Variants in HPCAL1 observed in about 807,000 individuals in gnomAD.
HPCAL1 encodes the protein hippocalcin like 1, also known as hippocalcin-like protein 1.
In HPCAL1, 8 loss-of-function variants were observed where a neutral mutation model predicts 17.1. The ratio of observed to expected loss-of-function variants is 0.47; its 90% CI spans 0.27 to 0.84. The LOEUF is 0.84. Among genes scored for constraint, HPCAL1 ranks in the 40% least tolerant of loss-of-function variants. HPCAL1 has a pLI of 0.13. For synonymous variants in HPCAL1, 112 were observed against 111.4 expected, an observed-to-expected ratio of 1.01 and a Z score of -0.03; for missense variants, 165 against 271.1, an observed-to-expected ratio of 0.61 and a Z score of 2.75.
Position 10,419,723 on chromosome 2 carries a change from C to A in HPCAL1, c.-24-11C>A. On this transcript the variant is annotated splice_polypyrimidine_tract_variant and intron_variant, in intron 2 of 4. Transcript: ENST00000307845. The surrounding 1 kb of genome is among the most constrained non-coding windows in gnomAD (Gnocchi z 5.0). The stretch of plus-strand genomic sequence containing the variant: ...GTGGGTGGCGTCCCCGGCTGACCCC[C>A]TGTCTTGCAGGTGTAGTCGCCGCCG... The A allele has an allele frequency of 6.3e-7, 1 of 1,584,932 alleles. No individual in the cohort carries two copies. Among genetic ancestry groups the A allele is most frequent in the African/African-American group, 1.3e-5 (1 of 74,628 alleles).
In HPCAL1 at chr2:10,394,621, G is replaced by A. The variant is rs1005943410; in HGVS notation, c.-110-2214G>A. On this transcript the variant is annotated intron_variant, in intron 1 of 4. Coordinates refer to ENST00000307845, the MANE Select transcript of HPCAL1 (RefSeq NM_002149.4). This position sits in a 1 kb window ranked among gnomAD's most constrained non-coding sequence, Gnocchi z 5.0. ...GCCCACGCCAAGAGGGAACCCTAACGTGAGCTGCGGACCTGGGGGGTGATG... is the reference window on the plus strand; with the variant it reads ...GCCCACGCCAAGAGGGAACCCTAACATGAGCTGCGGACCTGGGGGGTGATG... Among the ~76,000 whole-genome samples, 3 of 152,144 alleles carry A rather than the reference G, an allele frequency of 2.0e-5. No homozygotes were observed. Among genetic ancestry groups the A allele is most frequent in the East Asian group, 1.9e-4 (1 of 5,174 alleles).
At position 10,426,933 on chromosome 2, in the gene HPCAL1, TGGG is replaced by T. The variant is rs1572882015; in HGVS notation, c.*114_*116del. Reference sequence around the variant, plus strand: ...TTCCTGCTCTCCCGGGCCCCGGGCCTGGGGCATGCGTTGCACCTGCCCAGCCCG... The same window carrying T: ...TTCCTGCTCTCCCGGGCCCCGGGCCTGCATGCGTTGCACCTGCCCAGCCCG... On this transcript the variant is annotated 3_prime_UTR_variant, in exon 5 of 5. Coordinates refer to ENST00000307845, the MANE Select transcript of HPCAL1 (RefSeq NM_002149.4). 3 of 1,012,516 alleles carry T rather than the reference TGGG, an allele frequency of 3.0e-6. No individual in the cohort carries two copies. The East Asian group carries it at 7.6e-5, about 26-fold the overall frequency. 62.7% of individuals were successfully genotyped at this position (1,012,516 alleles called of 1,614,324 possible). A position where few individuals can be genotyped will look rare whatever the true frequency, so the allele number is the denominator to read the frequency against.
chr2:10,424,639 G>A lies in HPCAL1; in HGVS notation c.484+1551G>A, dbSNP rs184216935. 2,171 of 470,930 alleles carry A rather than the reference G, an allele frequency of 4.6e-3. 8 individuals are homozygous for A. Among genetic ancestry groups the A allele is most frequent in the Non-Finnish European group, 6.6e-3 (1,487 of 226,998 alleles). The allele number at this position is 470,930 out of a possible 1,614,324, so 29.2% of individuals were successfully genotyped here. A position where few individuals can be genotyped will look rare whatever the true frequency, so the allele number is the denominator to read the frequency against. On this transcript the variant is annotated intron_variant, in intron 4 of 4. Transcript: ENST00000307845. Reference sequence around the variant, plus strand: ...GTTGGTTGGGAATTTGGATGGCATGGTCGTTGCTAATGTGCCTGCTGGGAT... The same window carrying A: ...GTTGGTTGGGAATTTGGATGGCATGATCGTTGCTAATGTGCCTGCTGGGAT...
intron 1 of HPCAL1, among the ~76,000 whole-genome samples, chr2:10,361,099 C>A (rs116062306): frequency 0.012 from 1,686 of 145,308 alleles, 39 homozygotes; most frequent in African/African-American, 0.04. Flanking sequence ...ATGAGACAGG[C>A]GAGACTGCCC....
chr2:10,397,856 A>T (rs1397909671), intron 2 of HPCAL1, among the ~76,000 whole-genome samples: 1 of 152,200 alleles, frequency 6.6e-6, no homozygotes, highest in African/African-American at 2.4e-5. Flanking sequence ...GGAACCAGGT[A>T]TGCGATGCTG....
intron 2 of HPCAL1, among the ~76,000 whole-genome samples, chr2:10,403,153 C>G (rs574593503): frequency 2.6e-5 from 4 of 152,150 alleles, no homozygotes; most frequent in African/African-American, 7.2e-5. Context: ...AACAAGGTCC[C>G]GGGGAGAGGG....
intron 1 of HPCAL1, among the ~76,000 whole-genome samples, chr2:10,321,381 T>G (rs76999946): frequency 0.12 from 17,809 of 151,926 alleles, 2,266 homozygotes; most frequent in African/African-American, 0.32. Context: ...TGAGATTTGG[T>G]TGAGACATCC....
At chr2:10,401,375 G>T (rs1329194497) in intron 2 of HPCAL1, among the ~76,000 whole-genome samples, 1 of 152,208 alleles carries the variant, frequency 6.6e-6, no homozygotes, top group African/African-American at 2.4e-5. Context: ...TAATCACTGG[G>T]ATCATAGACG....
chr2:10,376,839 CCG>C (rs1558498761), intron 1 of HPCAL1, among the ~76,000 whole-genome samples: 2,264 of 144,662 alleles, frequency 0.016, 265 homozygotes, highest in African/African-American at 0.055. Flanking sequence ...ACAATACATA[CCG>C]TATTGTATTG....
intron 1 of HPCAL1, among the ~76,000 whole-genome samples, chr2:10,360,028 G>A (rs925126386): frequency 6.6e-6 from 1 of 152,172 alleles, no homozygotes; most frequent in Non-Finnish European, 1.5e-5. Flanking sequence ...GTGGGGTGTC[G>A]GGACCCAGCA....
intron 2 of HPCAL1, among the ~76,000 whole-genome samples, chr2:10,399,298 T>G (rs865792623): frequency 1.3e-4 from 1 of 7,954 alleles, no homozygotes; most frequent in African/African-American, 5.6e-4. Flanking sequence ...ACCACCACCA[T>G]CACCACCACC....
chr2:10,424,928 TATC>T (rs1671307359), intron 4 of HPCAL1: 3 of 266,494 alleles, frequency 1.1e-5, no homozygotes, highest in Non-Finnish European at 2.3e-5. Flanking sequence ...AGGACACAAG[TATC>T]ATTAAAGCCA....
chr2:10,340,827 C>T (rs1170210732), intron 1 of HPCAL1, among the ~76,000 whole-genome samples: 3 of 152,192 alleles, frequency 2.0e-5, no homozygotes, highest in Non-Finnish European at 2.9e-5. Context: ...CTCCCCTGTT[C>T]CTGAATCCCT....
chr2:10,382,045 G>A (rs887477780), intron 1 of HPCAL1, among the ~76,000 whole-genome samples: 4 of 152,256 alleles, frequency 2.6e-5, no homozygotes, highest in African/African-American at 9.6e-5. Flanking sequence ...TCCTTCAGCA[G>A]GTGAATGGAT....
chr2:10,322,375 G>T (rs1480220989), intron 1 of HPCAL1, among the ~76,000 whole-genome samples: 1 of 152,214 alleles, frequency 6.6e-6, no homozygotes, highest in Non-Finnish European at 1.5e-5. Flanking sequence ...TGACATCTGA[G>T]CAAAGACTTG....
At chr2:10,392,226 CGAT>C (rs1436872781) in intron 1 of HPCAL1, among the ~76,000 whole-genome samples, 1 of 150,498 alleles carries the variant, frequency 6.6e-6, no homozygotes, top group Admixed American at 6.6e-5. Context: ...TATTTAGTAG[CGAT>C]GAGGTCTCAC....
In HPCAL1 at chr2:10,419,889, C is replaced by A. The variant is rs530325936; in HGVS notation, c.132C>A (p.Thr44=). 4 of 1,613,822 alleles carry A rather than the reference C, an allele frequency of 2.5e-6. No homozygotes were observed. The highest frequency in any genetic ancestry group is 1.6e-4 in the Middle Eastern group (1 of 6,062). The part of the protein sequence containing the change: ...FLKDCPTGHL[T]VDEFKKIYAN... ...AGGACTGCCCCACCGGCCACCTGAC[C>A]GTGGACGAGTTCAAGAAGATCTACG... The change falls in exon 3 of 5, where the codon ACC becomes ACA. Residue 44 remains threonine (T), a synonymous_variant. Coordinates refer to ENST00000307845, the MANE Select transcript of HPCAL1 (RefSeq NM_002149.4). This position sits in a 1 kb window ranked among gnomAD's most constrained non-coding sequence, Gnocchi z 5.0.
intron 2 of HPCAL1, among the ~76,000 whole-genome samples, chr2:10,416,318 C>T (rs1670672009): frequency 6.6e-6 from 1 of 152,236 alleles, no homozygotes; most frequent in African/African-American, 2.4e-5. Flanking sequence ...GCCCTGGGCA[C>T]TGTGCAGTTC....
At chr2:10,398,779 C>G (rs1304849177) in intron 2 of HPCAL1, among the ~76,000 whole-genome samples, 1 of 152,184 alleles carries the variant, frequency 6.6e-6, no homozygotes, top group African/African-American at 2.4e-5. Context: ...CTCCTTGCCA[C>G]AGTAGCTGCT....
Sources: gnomAD v4.1 joint callset for allele counts (sites outside exome capture counted in the v4.1 genomes callset) on GRCh38, gnomAD v4.1.1 for gene constraint, Gnocchi (gnomAD v3.1) non-coding constraint, MANE v1.5 for transcripts, NCBI Gene and HGNC (gene_info 2026-07-23, HGNC 2026-07-21) for gene names.